The following CEMIP variants were observed in gnomAD, a reference collection of about 807,000 sequenced individuals.
The protein encoded by CEMIP is cell migration inducing hyaluronidase 1.
In CEMIP, 105 loss-of-function variants were observed where a neutral mutation model predicts 156.9. That is an observed-to-expected ratio of 0.67 (90% CI 0.57 to 0.79). The LOEUF is 0.79. CEMIP is among the 30% of genes least tolerant of loss of function. The probability of loss-of-function intolerance (pLI) is 0.00; values close to 1 mark genes in which losing one functional copy is unlikely to be tolerated. For missense variants in CEMIP, 1,457 were observed against 1,769.4 expected, an observed-to-expected ratio of 0.82 and a Z score of 3.17; for synonymous variants, 676 against 668.4, an observed-to-expected ratio of 1.01 and a Z score of -0.17.
Position 80,932,057 on chromosome 15 carries a change from G to A in CEMIP, c.2793+18G>A, listed in dbSNP as rs1596202063. The stretch of plus-strand genomic sequence containing the variant: ...ACGTTCCGGTGAGTGAGGCGCCAGG[G>A]CAGACTCCCGGCAAACCCAGACTTT... On this transcript the variant is annotated intron_variant, in intron 22 of 29. Transcript: ENST00000394685. This position sits in a 1 kb window ranked among gnomAD's most constrained non-coding sequence, Gnocchi z 4.5. 6.2e-7 allele frequency: 1 copy of A among 1,610,902 alleles called. No homozygotes were observed.
At chr15:80,872,818 AAATAAAATAAAAT>A (rs1399538493) in intron 1 of CEMIP, among the ~76,000 whole-genome samples, 1 of 152,168 alleles carries the variant, frequency 6.6e-6, no homozygotes, top group Non-Finnish European at 1.5e-5. Flanking sequence ...TGTCTTAATA[AAATAAAATAAAAT>A]AATAAAATAA....
At chr15:80,940,167 G>A (rs1036758514) in intron 25 of CEMIP, among the ~76,000 whole-genome samples, 1 of 152,172 alleles carries the variant, frequency 6.6e-6, no homozygotes, top group Non-Finnish European at 1.5e-5. Context: ...GCCAGGATTT[G>A]AGCACTGGGC....
chr15:80,837,397 A>C (rs1897292646), intron 1 of CEMIP, among the ~76,000 whole-genome samples: 1 of 152,212 alleles, frequency 6.6e-6, no homozygotes, highest in Non-Finnish European at 1.5e-5. Context: ...AGAGGAGTTC[A>C]AAATGACAAG....
chr15:80,819,458 G>A (rs1896861918), intron 1 of CEMIP, among the ~76,000 whole-genome samples: 1 of 152,188 alleles, frequency 6.6e-6, no homozygotes, highest in African/African-American at 2.4e-5. Context: ...GTGTGGTTCA[G>A]AAGTTGCTTT....
At chr15:80,839,289 AGTGT>A (rs34172431) in intron 1 of CEMIP, among the ~76,000 whole-genome samples, 156 of 131,186 alleles carry the variant, frequency 1.2e-3, no homozygotes, top group South Asian at 3.2e-3. Flanking sequence ...CAAGGCCGTG[AGTGT>A]GTGTGTGTGT....
intron 14 of CEMIP, among the ~76,000 whole-genome samples, chr15:80,914,686 A>G (rs931392955): frequency 5.3e-5 from 8 of 152,174 alleles, no homozygotes; most frequent in African/African-American, 1.9e-4. Flanking sequence ...CAGTTTCTTG[A>G]ATTCACATTC....
At chr15:80,817,556 G>A (rs1896813624) in intron 1 of CEMIP, among the ~76,000 whole-genome samples, 1 of 151,300 alleles carries the variant, frequency 6.6e-6, no homozygotes, top group African/African-American at 2.4e-5. Flanking sequence ...AGCGGTGATT[G>A]CATCACTGCA....
chr15:80,798,327 A>T (rs1896285447), intron 1 of CEMIP, among the ~76,000 whole-genome samples: 1 of 152,172 alleles, frequency 6.6e-6, no homozygotes, highest in Admixed American at 6.5e-5. Flanking sequence ...CGTCTTTTTA[A>T]TTGCTATAAA....
Position 80,942,989 on chromosome 15 carries a change from G to T in CEMIP, c.3744G>T (p.Val1248=). Residue 1248 remains valine (V), a synonymous_variant, in exon 28 of 30, where the codon GTG becomes GTT. Transcript: ENST00000394685. ...KYPSSEDGIQ[V]VVIDGNQGRV... ...CCAGTTCGGAGGATGGCATCCAGGT[G>T]GTGGTGATTGACGGGAACCAAGGGC... 1 of 1,614,228 alleles carries T rather than the reference G, an allele frequency of 6.2e-7. No homozygotes were observed. The highest frequency in any genetic ancestry group is 8.5e-7 in the Non-Finnish European group (1 of 1,180,042).
At chr15:80,819,570 A>T (rs1896864233) in intron 1 of CEMIP, among the ~76,000 whole-genome samples, 1 of 152,208 alleles carries the variant, frequency 6.6e-6, no homozygotes, top group Non-Finnish European at 1.5e-5. Context: ...GTTCACCAAG[A>T]CCAATGACAG....
At chr15:80,894,914 T>A in intron 10 of CEMIP, 76 bp from the exon 11 acceptor site, 2 of 1,567,208 alleles carry the variant, frequency 1.3e-6, no homozygotes, top group Non-Finnish European at 1.8e-6. Flanking sequence ...GAGTATATGT[T>A]TAGAACATTA....
At chr15:80,821,674 G>A (rs746757528) in intron 1 of CEMIP, among the ~76,000 whole-genome samples, 7 of 152,172 alleles carry the variant, frequency 4.6e-5, no homozygotes, top group Non-Finnish European at 8.8e-5. Flanking sequence ...GAGGTCTTTG[G>A]GGGAGAAAAG....
chr15:80,801,617 A>G (rs981264991), intron 1 of CEMIP, among the ~76,000 whole-genome samples: 3 of 152,216 alleles, frequency 2.0e-5, no homozygotes, highest in African/African-American at 7.2e-5. Context: ...GAGAAGCTGC[A>G]TAGTTACATT....
In CEMIP at chr15:80,932,832, ATG is replaced by A. The variant is rs1249211879; in HGVS notation, c.2794-403_2794-402del. Among the ~76,000 whole-genome samples the A allele has an allele frequency of 2.0e-5, 3 of 152,106 alleles. No individual in the cohort carries two copies. Among genetic ancestry groups the A allele is most frequent in the African/African-American group, 7.2e-5 (3 of 41,422 alleles). Reference sequence around the variant, plus strand: ...CTCTCGCACACGGATGCCCCCGTGTATGTGTGTGTGTATGTGTAAAAGTGTGT... The same window carrying A: ...CTCTCGCACACGGATGCCCCCGTGTATGTGTGTGTATGTGTAAAAGTGTGT... On this transcript the variant is annotated intron_variant, in intron 22 of 29. Transcript: ENST00000394685. The surrounding 1 kb of genome is among the most constrained non-coding windows in gnomAD (Gnocchi z 4.5).
At chr15:80,856,566 T>C (rs1897856782) in intron 1 of CEMIP, among the ~76,000 whole-genome samples, 1 of 152,214 alleles carries the variant, frequency 6.6e-6, no homozygotes, top group Admixed American at 6.5e-5. Context: ...TGTGGAATCC[T>C]GGGGTCCCCT....
chr15:80,926,011 T>C, intron 19 of CEMIP, among the ~76,000 whole-genome samples: 1 of 152,178 alleles, frequency 6.6e-6, no homozygotes, highest in African/African-American at 2.4e-5. Flanking sequence ...AAATAGTCAC[T>C]GGGCTTGGCT....
At chr15:80,807,257 G>A (rs972821988) in intron 1 of CEMIP, among the ~76,000 whole-genome samples, 4 of 150,168 alleles carry the variant, frequency 2.7e-5, no homozygotes, top group African/African-American at 9.8e-5. Context: ...TTGAGACAGG[G>A]TCTCGTTCTG....
chr15:80,836,327 C>T (rs766383780), intron 1 of CEMIP, among the ~76,000 whole-genome samples: 15 of 152,078 alleles, frequency 9.9e-5, no homozygotes, highest in Non-Finnish European at 1.8e-4. Flanking sequence ...GACAGTGTTC[C>T]GAAGGGCAGA....
Position 80,827,666 on chromosome 15 carries a change from C to A in CEMIP, c.-175-45872C>A, listed in dbSNP as rs1451819446. On this transcript the variant is annotated intron_variant, in intron 1 of 29. Transcript: ENST00000394685. The stretch of plus-strand genomic sequence containing the variant: ...AAACTTCCCCCAGGAAAATCCATTG[C>A]AAACCACCAAACAGATTATATTAGG... Among the ~76,000 whole-genome samples, 5 of 152,268 alleles carry A rather than the reference C, an allele frequency of 3.3e-5. No individual in the cohort carries two copies. In the East Asian group the frequency reaches 9.7e-4, roughly 29 times the overall value.
Sources: gnomAD v4.1 joint callset for allele counts (sites outside exome capture counted in the v4.1 genomes callset) on GRCh38, gnomAD v4.1.1 for gene constraint, Gnocchi (gnomAD v3.1) non-coding constraint, MANE v1.5 for transcripts, NCBI Gene and HGNC (gene_info 2026-07-23, HGNC 2026-07-21) for gene names.